Variants in CCBE1 observed in about 807,000 individuals in gnomAD.
The protein encoded by CCBE1 is collagen and calcium binding EGF domains 1.
A neutral mutation model predicts 50.0 loss-of-function variants in CCBE1; 37 were observed. That is an observed-to-expected ratio of 0.74 (90% CI 0.57 to 0.97). The LOEUF is 0.97. Ranked by LOEUF, CCBE1 falls within the 50% of genes least tolerant of loss-of-function variation. The pLI is 0.00. For missense variants in CCBE1, 538 were observed against 523.8 expected, an observed-to-expected ratio of 1.03 and a Z score of -0.26; for synonymous variants, 234 against 203.7, an observed-to-expected ratio of 1.15 and a Z score of -1.27.
rs141522435 is a variant in CCBE1 at position 59,687,378 on chromosome 18, C to T, written c.212+9251G>A. ...TTAAATTTTTTCACAACTTCATCTC[C>T]GTAGGATCCTATTTCTGAACAGATC... On this transcript the variant is annotated intron_variant, in intron 2 of 10. Coordinates refer to ENST00000439986, the MANE Select transcript of CCBE1 (RefSeq NM_133459.4). 7.1e-3 allele frequency among the ~76,000 whole-genome samples: 1,075 copies of T among 151,884 alleles called. 10 individuals carry two copies. The highest frequency in any genetic ancestry group is 9.5e-3 in the Non-Finnish European group (644 of 67,948).
In CCBE1 at chr18:59,510,953, G is replaced by A. The variant is rs148902103; in HGVS notation, c.213-30715C>T. 3.4e-3 allele frequency among the ~76,000 whole-genome samples: 512 copies of A among 152,280 alleles called. 1 individual carries two copies. The highest frequency in any genetic ancestry group is 4.4e-3 in the Non-Finnish European group (298 of 68,032). On this transcript the variant is annotated intron_variant, in intron 2 of 10. Transcript: ENST00000439986. ...AACACTGTCCTTTATACCATCAGGAGCATCGGTGGTGAGAGCTACCAGTCA... is the reference window on the plus strand; with the variant it reads ...AACACTGTCCTTTATACCATCAGGAACATCGGTGGTGAGAGCTACCAGTCA...
At chr18:59,440,433 C>A (rs1013241879) in intron 7 of CCBE1, among the ~76,000 whole-genome samples, 9 of 152,170 alleles carry the variant, frequency 5.9e-5, no homozygotes, top group South Asian at 2.1e-4. Context: ...ATCTGCTAGG[C>A]CTTCCTTATA....
chr18:59,446,091 G>A (rs2143642568), intron 7 of CCBE1, among the ~76,000 whole-genome samples: 1 of 152,200 alleles, frequency 6.6e-6, no homozygotes, highest in East Asian at 1.9e-4. Context: ...TTAAGAGAGA[G>A]AAGGAAATGG....
In CCBE1 at chr18:59,435,694, T is replaced by C; in HGVS notation, c.*214A>G. ...CAATGGACTCTTAGTGAGAAGCAGG[T>C]AAATCAATCATTCACTCCCTCATGT... On this transcript the variant is annotated 3_prime_UTR_variant, in exon 11 of 11. Transcript: ENST00000439986. 2 of 611,752 alleles carry C rather than the reference T, an allele frequency of 3.3e-6. No individual in the cohort carries two copies. Among genetic ancestry groups the C allele is most frequent in the Middle Eastern group, 4.4e-4 (1 of 2,270 alleles). The allele number at this position is 611,752 out of a possible 1,614,324, so 37.9% of individuals were successfully genotyped here. A position where few individuals can be genotyped will look rare whatever the true frequency, so the allele number is the denominator to read the frequency against.
intron 2 of CCBE1, among the ~76,000 whole-genome samples, chr18:59,644,324 T>A (rs1280263885): frequency 6.6e-6 from 1 of 152,164 alleles, no homozygotes; most frequent in East Asian, 1.9e-4. Context: ...GCCCAGGAGT[T>A]GGGGACCCCT....
chr18:59,620,320 T>C (rs2053696092), intron 2 of CCBE1, among the ~76,000 whole-genome samples: 1 of 152,136 alleles, frequency 6.6e-6, no homozygotes, highest in African/African-American at 2.4e-5. Context: ...TAGGAGCATT[T>C]ACCTGGTTGG....
At chr18:59,440,071 A>C (rs1265848778) in intron 7 of CCBE1, among the ~76,000 whole-genome samples, 1 of 152,078 alleles carries the variant, frequency 6.6e-6, no homozygotes, top group African/African-American at 2.4e-5. Flanking sequence ...CTTCCTCTAT[A>C]TTTCCCTGTT....
intron 2 of CCBE1, among the ~76,000 whole-genome samples, chr18:59,496,935 T>C (rs1297857319): frequency 6.6e-6 from 1 of 152,230 alleles, no homozygotes; most frequent in East Asian, 1.9e-4. Flanking sequence ...AGTTTAGGGC[T>C]TGATTCTACC....
At chr18:59,536,137 G>T (rs1174076046) in intron 2 of CCBE1, among the ~76,000 whole-genome samples, 1 of 152,192 alleles carries the variant, frequency 6.6e-6, no homozygotes, top group Non-Finnish European at 1.5e-5. Flanking sequence ...AACCATAATA[G>T]GTTTTGAGTC....
At chr18:59,595,288 C>T (rs1283999793) in intron 2 of CCBE1, among the ~76,000 whole-genome samples, 1 of 150,902 alleles carries the variant, frequency 6.6e-6, no homozygotes, top group Non-Finnish European at 1.5e-5. Context: ...GCTTTCACAA[C>T]ATTTGGGCTC....
At chr18:59,588,129 G>T (rs2053204266) in intron 2 of CCBE1, among the ~76,000 whole-genome samples, 1 of 152,156 alleles carries the variant, frequency 6.6e-6, no homozygotes, top group African/African-American at 2.4e-5. Context: ...AGCTCAAAGG[G>T]CCAAGAATAG....
intron 2 of CCBE1, among the ~76,000 whole-genome samples, chr18:59,529,416 A>G (rs1005069537): frequency 6.6e-6 from 1 of 152,250 alleles, no homozygotes; most frequent in Non-Finnish European, 1.5e-5. Flanking sequence ...TTGTAGTCTT[A>G]GGCAGTCTAC....
At chr18:59,605,616 G>A (rs2053487542) in intron 2 of CCBE1, among the ~76,000 whole-genome samples, 1 of 152,046 alleles carries the variant, frequency 6.6e-6, no homozygotes, top group African/African-American at 2.4e-5. Flanking sequence ...AAAACCAGGG[G>A]AACTAAAGAT....
intron 2 of CCBE1, among the ~76,000 whole-genome samples, chr18:59,551,628 C>T (rs184407380): frequency 1.5e-3 from 222 of 152,310 alleles, no homozygotes; most frequent in African/African-American, 5.2e-3. Flanking sequence ...TGACTAAATA[C>T]TAATTATTTT....
chr18:59,653,953 C>T (rs1348932052), intron 2 of CCBE1, among the ~76,000 whole-genome samples: 1 of 152,170 alleles, frequency 6.6e-6, no homozygotes, highest in African/African-American at 2.4e-5. Flanking sequence ...CATAAAACTA[C>T]TGATGCTAGA....
intron 2 of CCBE1, among the ~76,000 whole-genome samples, chr18:59,683,290 G>A (rs1196526615): frequency 1.3e-5 from 2 of 152,210 alleles, no homozygotes; most frequent in African/African-American, 2.4e-5. Context: ...TGTGTCAAAC[G>A]TGTTAGGAAA....
chr18:59,470,242 C>T (rs662929), intron 3 of CCBE1, among the ~76,000 whole-genome samples: 64,321 of 151,954 alleles, frequency 0.42, 13,850 homozygotes, highest in South Asian at 0.51. Context: ...TACATGGTAT[C>T]AGGCAAGAGT....
intron 10 of CCBE1, 137 bp downstream of exon 10, chr18:59,437,974 C>T: frequency 2.8e-6 from 2 of 717,900 alleles, no homozygotes; most frequent in Non-Finnish European, 4.8e-6. Flanking sequence ...CTCTTCCTAA[C>T]CACAGAGTTC....
At chr18:59,460,601 G>A (rs954431781) in intron 5 of CCBE1, among the ~76,000 whole-genome samples, 83 of 152,314 alleles carry the variant, frequency 5.4e-4, no homozygotes, top group African/African-American at 1.9e-3. Context: ...CTTAGAAGGT[G>A]TGGAGGCTGG....
Sources: allele counts gnomAD v4.1 joint callset (sites outside exome capture counted in the v4.1 genomes callset), GRCh38; gene constraint gnomAD v4.1.1; transcripts MANE v1.5; gene names NCBI Gene and HGNC (gene_info 2026-07-23, HGNC 2026-07-21).